Variants in ABCC3 observed in about 807,000 individuals in gnomAD.
The protein encoded by ABCC3 is ATP binding cassette subfamily C member 3.
In ABCC3, 121 loss-of-function variants were observed where a neutral mutation model predicts 165.3. The ratio of observed to expected loss-of-function variants is 0.73; its 90% CI spans 0.63 to 0.85. The LOEUF (loss-of-function observed/expected upper bound fraction) is 0.85. Among genes scored for constraint, ABCC3 ranks in the 40% least tolerant of loss-of-function variants. ABCC3 has a pLI of 0.00. For missense variants in ABCC3, 1,869 were observed against 1,964.1 expected (o/e 0.95, Z 0.92); for synonymous variants, 733 against 810.1 (o/e 0.90, Z 1.62).
rs1280262965 is a variant in ABCC3 at position 50,691,423 on chromosome 17, T to C, written c.*223T>C. 2.0e-5 allele frequency: 10 copies of C among 494,688 alleles called. No homozygotes were observed. Among genetic ancestry groups the C allele is most frequent in the Non-Finnish European group, 3.3e-5 (9 of 270,726 alleles). The allele number at this position is 494,688 out of a possible 1,614,324, so 30.6% of individuals were successfully genotyped here. A position where few individuals can be genotyped will look rare whatever the true frequency, so the allele number is the denominator to read the frequency against. On this transcript the variant is annotated 3_prime_UTR_variant, in exon 31 of 31. Coordinates refer to ENST00000285238, the MANE Select transcript of ABCC3 (RefSeq NM_003786.4). ...TAAGGTCACAGCTAGTTTGAGCCAG[T>C]TAGACTAGTCCCCGGTCTCCCGATT... is the stretch of plus-strand genomic sequence containing the variant.
intron 5 of ABCC3, 106 bp downstream of exon 5, chr17:50,658,313 C>A (rs1967302440): frequency 6.3e-7 from 1 of 1,587,040 alleles, no homozygotes; most frequent in Non-Finnish European, 8.6e-7. Flanking sequence ...GGAGAGAGGT[C>A]ATCCCCACAA....
In ABCC3 at chr17:50,673,651, C is replaced by G. The variant is rs1018761611; in HGVS notation, c.2592C>G (p.Ser864Arg). 2 of 1,613,964 alleles carry G rather than the reference C, an allele frequency of 1.2e-6. No individual in the cohort carries two copies. The highest frequency in any genetic ancestry group is 2.7e-5 in the African/African-American group (2 of 74,916). Residue 864 changes from serine to arginine, a missense_variant, in exon 19 of 31, where the codon AGC becomes AGG. By Grantham distance (110) the Ser-to-Arg change is moderately radical (BLOSUM62 -1). Transcript: ENST00000285238. ...AGGACCAAGGGCACCTGGAGGACAG[C>G]TGGACCGGTATCTGCCATCCTGGGC... ...PDEDQGHLED[S>R]WTALEGAEDK... is the part of the protein sequence containing the mutation.
At chr17:50,689,518 A>C in intron 30 of ABCC3, among the ~76,000 whole-genome samples, 1 of 152,246 alleles carries the variant, frequency 6.6e-6, no homozygotes, top group East Asian at 1.9e-4. Context: ...TCTTTGAAGG[A>C]GTATAGTGGG....
In ABCC3 at chr17:50,658,015, C is replaced by T. The variant is rs890140122; in HGVS notation, c.487-67C>T. On this transcript the variant is annotated intron_variant, in intron 4 of 30. Coordinates refer to ENST00000285238, the MANE Select transcript of ABCC3 (RefSeq NM_003786.4). ...AGGAGACTGATGCCCCAAGGGACTC[C>T]GCAGGGCAGGGGCTGCAGGCCCAGG... 75 of 1,609,288 alleles carry T rather than the reference C, an allele frequency of 4.7e-5. 1 individual carries two copies. The Middle Eastern group carries it at 8.2e-4, about 18-fold the overall frequency.
chr17:50,673,983 TCTCTCTCTCTCTCTCTCTCTCTCTC>T (rs1967729283), intron 19 of ABCC3, among the ~76,000 whole-genome samples: 1 of 4,956 alleles, frequency 2.0e-4, no homozygotes, highest in African/African-American at 1.2e-3. Context: ...TTTCTTTCTC[TCTCTCTCTCTCTCTCTCTCTCTCTC>T]TCTCTCTCTC....
chr17:50,636,185 A>C (rs570960326), intron 1 of ABCC3, among the ~76,000 whole-genome samples: 403 of 152,120 alleles, frequency 2.6e-3, no homozygotes, highest in Non-Finnish European at 4.1e-3. Flanking sequence ...TCCTATTTTG[A>C]GTATTTGTAC....
intron 8 of ABCC3, chr17:50,662,029 G>C (rs1321820753): frequency 1.3e-5 from 2 of 152,264 alleles, no homozygotes; most frequent in Non-Finnish European, 2.9e-5. Flanking sequence ...ACAGAGAGAG[G>C]GAGAGCTAAG....
chr17:50,675,527 C>T, intron 20 of ABCC3, 51 bp downstream of exon 20: 1 of 1,592,060 alleles, frequency 6.3e-7, no homozygotes, highest in East Asian at 2.2e-5. Flanking sequence ...CAGGCCTCCC[C>T]AGGCCCTGCC....
At chr17:50,681,279 A>G (rs1294708510) in intron 26 of ABCC3, among the ~76,000 whole-genome samples, 3 of 152,166 alleles carry the variant, frequency 2.0e-5, no homozygotes, top group African/African-American at 7.2e-5. Context: ...CATAAAAAGT[A>G]GGTTCTAAGA....
chr17:50,674,014 C>T lies in ABCC3; in HGVS notation c.2599+356C>T, dbSNP rs1207936918. Among the ~76,000 whole-genome samples the T allele has an allele frequency of 6.4e-3, 77 of 11,940 alleles. 18 individuals carry two copies. Among genetic ancestry groups the T allele is most frequent in the Non-Finnish European group, 7.8e-3 (49 of 6,270 alleles). 7.8% of individuals were successfully genotyped at this position (11,940 alleles called of 152,430 possible). A position where few individuals can be genotyped will look rare whatever the true frequency, so the allele number is the denominator to read the frequency against. On this transcript the variant is annotated intron_variant, in intron 19 of 30. Coordinates refer to ENST00000285238, the MANE Select transcript of ABCC3 (RefSeq NM_003786.4). ...TCTCTCTCTCTCTCTCTCTCTCTCTCTCTCTCTCTCTCTCTCTCTCTCTTT... is the reference window on the plus strand; with the variant it reads ...TCTCTCTCTCTCTCTCTCTCTCTCTTTCTCTCTCTCTCTCTCTCTCTCTTT...
chr17:50,641,827 C>T (rs142218928), intron 1 of ABCC3, among the ~76,000 whole-genome samples: 1 of 152,232 alleles, frequency 6.6e-6, no homozygotes, highest in Non-Finnish European at 1.5e-5. Flanking sequence ...AGGAGGATCA[C>T]TTGAGCCCAG....
chr17:50,655,723 C>A, intron 1 of ABCC3, 109 bp from the exon 2 acceptor site: 1 of 1,019,584 alleles, frequency 9.8e-7, no homozygotes, highest in Non-Finnish European at 1.4e-6. Flanking sequence ...CTGTCTTCCA[C>A]TCCACCCCTG....
chr17:50,676,173 T>C, intron 22 of ABCC3, 83 bp downstream of exon 22: 1 of 1,595,230 alleles, frequency 6.3e-7, no homozygotes, highest in Non-Finnish European at 8.6e-7. Context: ...TGCCCTTGCA[T>C]CCAAGCCTCC....
At position 50,663,982 on chromosome 17, in the gene ABCC3, G is replaced by T. The variant is rs191057975; in HGVS notation, c.1209G>T (p.Ala403=). 1 of 1,614,146 alleles carries T rather than the reference G, an allele frequency of 6.2e-7. No homozygotes were observed. Among genetic ancestry groups the T allele is most frequent in the Non-Finnish European group, 8.5e-7 (1 of 1,180,032 alleles). ...TTATCACCAACTCAGTCAAACGTGC[G>T]TCCACTGTGGGGGAAATTGTCAACC... is the stretch of plus-strand genomic sequence containing the variant. ...ALVITNSVKR[A]STVGEIVNLM... The change falls in exon 10 of 31, where the codon GCG becomes GCT. Residue 403 remains alanine, a synonymous_variant. Transcript: ENST00000285238.
At chr17:50,643,765 GA>G in intron 1 of ABCC3, 1 of 385,810 alleles carries the variant, frequency 2.6e-6, no homozygotes, top group South Asian at 1.9e-5. Flanking sequence ...GTAGGAGCAA[GA>G]ATCTCAGAGC....
intron 2 of ABCC3, among the ~76,000 whole-genome samples, chr17:50,656,496 A>G (rs906073460): frequency 1.3e-5 from 2 of 152,230 alleles, no homozygotes; most frequent in Non-Finnish European, 2.9e-5. Flanking sequence ...GCCAGCTGAC[A>G]TATTCCCCAC....
chr17:50,658,008 G>A, intron 4 of ABCC3, 74 bp from the exon 5 acceptor site: 1 of 1,605,684 alleles, frequency 6.2e-7, no homozygotes, highest in Non-Finnish European at 8.5e-7. Flanking sequence ...GATGCCCCAA[G>A]GGACTCCGCA....
intron 1 of ABCC3, among the ~76,000 whole-genome samples, chr17:50,648,533 A>C (rs1049329279): frequency 6.6e-6 from 1 of 152,240 alleles, no homozygotes; most frequent in African/African-American, 2.4e-5. Flanking sequence ...AATTGGTCCC[A>C]GAGAAAAGAC....
rs186638381 is a variant in ABCC3, at chr17:50,666,327, C to T, written c.1431+1082C>T. On this transcript the variant is annotated intron_variant, in intron 11 of 30. Transcript: ENST00000285238. ...TCTCTACTAAAAATACAAAATTAGC[C>T]GGGCATGGTGGCACATGCCTGTAAT... Among the ~76,000 whole-genome samples, 106 of 152,166 alleles carry T rather than the reference C, an allele frequency of 7.0e-4. 1 individual carries two copies. Among genetic ancestry groups the T allele is most frequent in the African/African-American group, 2.3e-3 (96 of 41,500 alleles).
Sources: allele counts gnomAD v4.1 joint callset (sites outside exome capture counted in the v4.1 genomes callset), GRCh38; gene constraint gnomAD v4.1.1; transcripts MANE v1.5; gene names NCBI Gene and HGNC (gene_info 2026-07-23, HGNC 2026-07-21).